Variants in RPS6KC1 observed in about 807,000 individuals in gnomAD.
The protein encoded by RPS6KC1 is inactive ribosomal protein S6 kinase delta-1.
In RPS6KC1, 54 loss-of-function variants were observed where a neutral mutation model predicts 103.8. The observed-to-expected ratio is 0.52, with a 90% confidence interval of 0.42 to 0.65. The LOEUF is 0.65. Among genes scored for constraint, RPS6KC1 ranks in the 30% least tolerant of loss-of-function variants. RPS6KC1 has a pLI of 0.00. For synonymous variants in RPS6KC1, 439 were observed against 438.7 expected (o/e 1.00, Z -0.01); for missense variants, 1,151 against 1,253.8 (o/e 0.92, Z 1.24).
At chr1:213,117,566 T>C (rs1468621982) in intron 5 of RPS6KC1, among the ~76,000 whole-genome samples, 156 bp downstream of exon 5, 1 of 152,126 alleles carries the variant, frequency 6.6e-6, no homozygotes, top group East Asian at 1.9e-4. Flanking sequence ...ATCACTGATG[T>C]TGGGTGCATG....
chr1:213,755,494 C>T, the RPS6KC1 span, among the ~76,000 whole-genome samples: 2 of 152,108 alleles, frequency 1.3e-5, no homozygotes, highest in Non-Finnish European at 2.9e-5. Context: ...TGCATGCCTC[C>T]ACAGCATCAG....
chr1:213,151,606 C>G (rs1251717881), intron 6 of RPS6KC1, among the ~76,000 whole-genome samples: 2 of 94,750 alleles, frequency 2.1e-5, no homozygotes, highest in African/African-American at 5.1e-5. Context: ...GGGGCTGACC[C>G]CCCCACCTCC....
the RPS6KC1 span, among the ~76,000 whole-genome samples, chr1:213,518,913 G>T: frequency 3.9e-4 from 60 of 152,238 alleles, no homozygotes; most frequent in African/African-American, 1.4e-3. Context: ...GAGTTCTGAG[G>T]AAGACCTGCA....
At chr1:213,075,367 A>T (rs780198241) in intron 2 of RPS6KC1, among the ~76,000 whole-genome samples, 29 of 152,218 alleles carry the variant, frequency 1.9e-4, no homozygotes, top group Non-Finnish European at 2.4e-4. Flanking sequence ...TTTTTAAAAT[A>T]TAAAAATAAC....
intron 8 of RPS6KC1, among the ~76,000 whole-genome samples, chr1:213,198,796 T>C (rs2093047448): frequency 6.6e-6 from 1 of 152,184 alleles, no homozygotes; most frequent in African/African-American, 2.4e-5. Flanking sequence ...CTGCAATCTC[T>C]TCTAGAAGAC....
At chr1:213,176,133 C>T (rs1237153022) in intron 7 of RPS6KC1, among the ~76,000 whole-genome samples, 1 of 152,048 alleles carries the variant, frequency 6.6e-6, no homozygotes, top group Non-Finnish European at 1.5e-5. Context: ...CTAGAAACTG[C>T]CAGCTCATTA....
chr1:213,142,730 C>T (rs1289825965), intron 6 of RPS6KC1, among the ~76,000 whole-genome samples: 1 of 152,084 alleles, frequency 6.6e-6, no homozygotes, highest in Non-Finnish European at 1.5e-5. Flanking sequence ...TTCCCTCTAA[C>T]AGCAAAAAGA....
chr1:213,786,289 A>C, the RPS6KC1 span, among the ~76,000 whole-genome samples: 5 of 152,192 alleles, frequency 3.3e-5, no homozygotes, highest in African/African-American at 4.8e-5. Flanking sequence ...TCTGGCCAAT[A>C]ATAAAATTGT....
chr1:213,369,368 TAGG>T, the RPS6KC1 span, among the ~76,000 whole-genome samples: 1 of 152,068 alleles, frequency 6.6e-6, no homozygotes, highest in Non-Finnish European at 1.5e-5. Context: ...ATACCTAGAG[TAGG>T]AGATGGACAC....
At chr1:213,414,079 A>G in the RPS6KC1 span, among the ~76,000 whole-genome samples, 1 of 152,074 alleles carries the variant, frequency 6.6e-6, no homozygotes, top group East Asian at 1.9e-4. Flanking sequence ...CACCCCTGCC[A>G]TTCATACTCT....
the RPS6KC1 span, among the ~76,000 whole-genome samples, chr1:213,765,407 G>C: frequency 6.6e-6 from 1 of 152,150 alleles, no homozygotes; most frequent in African/African-American, 2.4e-5. Context: ...CCCACCTCCA[G>C]TCAGGGCTAG....
the RPS6KC1 span, among the ~76,000 whole-genome samples, chr1:213,368,173 G>T: frequency 6.6e-6 from 1 of 152,248 alleles, no homozygotes; most frequent in African/African-American, 2.4e-5. Context: ...GGTATTCACA[G>T]CAGCTGTGTC....
intron 6 of RPS6KC1, among the ~76,000 whole-genome samples, chr1:213,146,588 G>A (rs898358721): frequency 6.6e-6 from 1 of 151,692 alleles, no homozygotes; most frequent in African/African-American, 2.4e-5. Flanking sequence ...ACCATGCCCG[G>A]GTAATTTTTT....
At chr1:213,503,946 T>C in the RPS6KC1 span, among the ~76,000 whole-genome samples, 1 of 152,142 alleles carries the variant, frequency 6.6e-6, no homozygotes, top group Non-Finnish European at 1.5e-5. Flanking sequence ...TTCAAGGATA[T>C]TTACATAGCA....
the RPS6KC1 span, among the ~76,000 whole-genome samples, chr1:213,651,867 C>T: frequency 2.6e-5 from 4 of 152,274 alleles, no homozygotes; most frequent in East Asian, 1.9e-4. Flanking sequence ...CCTTGTGTGC[C>T]GAGCTCCTTC....
chr1:213,413,325 T>C, the RPS6KC1 span, among the ~76,000 whole-genome samples: 1 of 152,244 alleles, frequency 6.6e-6, no homozygotes, highest in Non-Finnish European at 1.5e-5. Flanking sequence ...TTGTTAATTG[T>C]AGTTGCCTTA....
At chr1:213,431,655 A>ATG in the RPS6KC1 span, among the ~76,000 whole-genome samples, 59,456 of 141,364 alleles carry the variant, frequency 0.42, 11,847 homozygotes, top group East Asian at 0.54. Flanking sequence ...GTTTGTGTGT[A>ATG]TGTGTGTGTG....
In RPS6KC1 at chr1:213,131,822, C is replaced by T. The variant is rs530691453; in HGVS notation, c.835+1933C>T. On this transcript the variant is annotated intron_variant, in intron 6 of 14. Transcript: ENST00000366960. ...CATTTTTATTCTTTGCCTTAACTCT[C>T]ATTTTGGGTTGGGAGTTTAAAATGG... 3.9e-5 allele frequency among the ~76,000 whole-genome samples: 6 copies of T among 152,224 alleles called. No homozygotes were observed. In the South Asian group the frequency reaches 1.2e-3, roughly 32 times the overall value.
the RPS6KC1 span, among the ~76,000 whole-genome samples, chr1:213,455,287 A>G: frequency 5.9e-5 from 9 of 152,132 alleles, no homozygotes; most frequent in African/African-American, 1.2e-4. Flanking sequence ...CAGGAAATTC[A>G]TAGTGGAAAT....
Sources: allele counts gnomAD v4.1 joint callset (sites outside exome capture counted in the v4.1 genomes callset), GRCh38; gene constraint gnomAD v4.1.1; transcripts MANE v1.5; gene names NCBI Gene and HGNC (gene_info 2026-07-23, HGNC 2026-07-21).